Variants in PUDP observed in about 807,000 individuals in gnomAD.
The protein encoded by PUDP is pseudouridine-5'-phosphatase.
A neutral mutation model predicts 9.4 loss-of-function variants in PUDP; 8 were observed. The ratio of observed to expected loss-of-function variants is 0.85; its 90% CI spans 0.50 to 1.53. PUDP has a LOEUF of 1.53. PUDP is among the 40% of genes most tolerant of loss of function. The pLI, the probability that PUDP is intolerant of heterozygous loss-of-function variation, is 0.00. For synonymous variants in PUDP, 99 were observed against 80.7 expected, an observed-to-expected ratio of 1.23 and a Z score of -1.22; for missense variants, 188 against 189.7, an observed-to-expected ratio of 0.99 and a Z score of 0.05.
At chrX:6,728,843 C>T (rs1050451479) in intron 3 of PUDP, among the ~76,000 whole-genome samples, 4 of 111,328 alleles carry the variant, frequency 3.6e-5, no homozygotes, top group African/African-American at 1.3e-4. Context: ...CAGGATCGCA[C>T]CCAGGATACC....
At chrX:6,860,455 T>C (rs1427427041) in intron 3 of PUDP, among the ~76,000 whole-genome samples, 2 of 106,277 alleles carry the variant, frequency 1.9e-5, no homozygotes, top group Non-Finnish European at 3.9e-5. Context: ...TGTTTTTCTG[T>C]GTGTGGTTTT....
At chrX:6,772,478 T>C (rs565804355) in intron 3 of PUDP, among the ~76,000 whole-genome samples, 1 of 110,623 alleles carries the variant, frequency 9.0e-6, no homozygotes, top group Admixed American at 9.7e-5. Flanking sequence ...CTCAACACTA[T>C]AACCATATTC....
upstream of PUDP, among the ~76,000 whole-genome samples, chrX:6,722,634 C>A (rs746460427): frequency 6.3e-5 from 7 of 111,343 alleles, no homozygotes; most frequent in Non-Finnish European, 1.3e-4. Flanking sequence ...ACATTGGAAA[C>A]TACGCTAAAA....
chrX:6,841,917 TTA>T (rs1467877087), intron 3 of PUDP, among the ~76,000 whole-genome samples: 3 of 108,256 alleles, frequency 2.8e-5, no homozygotes, highest in Non-Finnish European at 5.7e-5. Context: ...GTGGGGGGGG[TTA>T]TGTGTGTGTA....
chrX:6,791,009 T>G (rs1243239730), intron 3 of PUDP, among the ~76,000 whole-genome samples: 1 of 112,274 alleles, frequency 8.9e-6, no homozygotes, highest in African/African-American at 3.2e-5. Flanking sequence ...GCAATTTATC[T>G]TAAAATATGT....
intron 1 of PUDP, among the ~76,000 whole-genome samples, chrX:7,027,524 T>C (rs1929729280): frequency 1.9e-5 from 2 of 104,225 alleles, no homozygotes; most frequent in Non-Finnish European, 3.9e-5. Flanking sequence ...AGAATATATA[T>C]ATATTCACAC....
chrX:6,815,147 T>C (rs1245160696), intron 3 of PUDP, among the ~76,000 whole-genome samples: 16 of 100,644 alleles, frequency 1.6e-4, no homozygotes, highest in African/African-American at 6.0e-4. Context: ...TCAGAAAGGG[T>C]ACCTAAATGA....
chrX:6,835,342 T>A (rs1363451159), intron 3 of PUDP, among the ~76,000 whole-genome samples: 1 of 110,706 alleles, frequency 9.0e-6, no homozygotes, highest in Non-Finnish European at 1.9e-5. Context: ...GACACCTTGA[T>A]TTTAGCCCGA....
intron 3 of PUDP, among the ~76,000 whole-genome samples, chrX:6,843,346 C>T (rs1460504071): frequency 9.0e-6 from 1 of 111,673 alleles, no homozygotes; most frequent in Admixed American, 9.5e-5. Flanking sequence ...TCCAGTCACC[C>T]TGATAACTGA....
At chrX:6,932,760 C>A (rs1928215585) in intron 3 of PUDP, among the ~76,000 whole-genome samples, 2 of 111,811 alleles carry the variant, frequency 1.8e-5, no homozygotes, top group Non-Finnish European at 3.8e-5. Flanking sequence ...CGGGTCACTC[C>A]CACCCGAATA....
intron 3 of PUDP, among the ~76,000 whole-genome samples, chrX:6,936,984 A>T (rs1396605890): frequency 4.1e-5 from 4 of 98,026 alleles, no homozygotes; most frequent in Non-Finnish European, 6.1e-5. Context: ...ATAAAAGAGG[A>T]TACAAACAAA....
At chrX:6,762,207 A>C (rs1010912180) in intron 3 of PUDP, among the ~76,000 whole-genome samples, 12 of 111,588 alleles carry the variant, frequency 1.1e-4, no homozygotes, top group African/African-American at 3.9e-4. Context: ...AAATAAAATA[A>C]AGCCATACTT....
At chrX:6,922,565 C>T (rs1461063168) in intron 3 of PUDP, among the ~76,000 whole-genome samples, 2 of 112,068 alleles carry the variant, frequency 1.8e-5, no homozygotes, top group Non-Finnish European at 3.8e-5. Flanking sequence ...TTTATCTAGA[C>T]CTTATGTTTT....
chrX:6,750,758 T>C (rs1276346920), intron 3 of PUDP, among the ~76,000 whole-genome samples: 1 of 112,000 alleles, frequency 8.9e-6, no homozygotes, highest in Admixed American at 9.5e-5. Flanking sequence ...ACCCAGTAAC[T>C]ACTTCAACAG....
intron 3 of PUDP, among the ~76,000 whole-genome samples, chrX:6,855,986 T>C (rs1254904525): frequency 9.0e-6 from 1 of 110,802 alleles, no homozygotes; most frequent in African/African-American, 3.3e-5. Context: ...TGGCTAGCAG[T>C]TGGGGGGTGA....
chrX:7,107,209 T>G (rs908469434), intron 1 of PUDP, among the ~76,000 whole-genome samples: 3 of 112,248 alleles, frequency 2.7e-5, no homozygotes, highest in Admixed American at 9.4e-5. Flanking sequence ...TAGTCTACCT[T>G]GAATCTGTAC....
chrX:6,767,065 A>G (rs1925294122), intron 3 of PUDP, among the ~76,000 whole-genome samples: 1 of 113,122 alleles, frequency 8.8e-6, no homozygotes, highest in African/African-American at 3.2e-5. Context: ...AAGAATTTAC[A>G]AGGTTTTTCT....
At chrX:6,739,986 T>C (rs1444628079) in intron 3 of PUDP, among the ~76,000 whole-genome samples, 1 of 112,271 alleles carries the variant, frequency 8.9e-6, no homozygotes, top group Non-Finnish European at 1.9e-5. Context: ...GGTCAAATTT[T>C]ATTTATCGCA....
At chrX:6,712,157 TTGTG>T (rs924247185) in intron 1 of PUDP, among the ~76,000 whole-genome samples, 1 of 111,003 alleles carries the variant, frequency 9.0e-6, no homozygotes, top group Non-Finnish European at 1.9e-5. Flanking sequence ...TTTATTTATT[TTGTG>T]TGTGTGTGTG....
Sources: allele counts gnomAD v4.1 joint callset (sites outside exome capture counted in the v4.1 genomes callset), GRCh38; gene constraint gnomAD v4.1.1; transcripts MANE v1.5; gene names NCBI Gene and HGNC (gene_info 2026-07-23, HGNC 2026-07-21).